UMODL1: variants seen among roughly 807,000 people sequenced by gnomAD.
The protein encoded by UMODL1 is uromodulin like 1.
In UMODL1, 128 loss-of-function variants were observed where a neutral mutation model predicts 136.3. The observed-to-expected ratio is 0.94, with a 90% CI of 0.81 to 1.09. The LOEUF (loss-of-function observed/expected upper bound fraction) is 1.09, where lower values mean the gene tolerates loss of function less well. Ranked by LOEUF, UMODL1 falls within the 50% of genes least tolerant of loss-of-function variation. UMODL1 has a pLI of 0.00. For missense variants in UMODL1, 1,766 were observed against 1,725.6 expected (o/e 1.02, Z -0.41); for synonymous variants, 721 against 720.0 (o/e 1.00, Z -0.02).
At chr21:42,120,368 A>T (rs1316718694) in intron 15 of UMODL1, among the ~76,000 whole-genome samples, 2 of 152,240 alleles carry the variant, frequency 1.3e-5, no homozygotes, top group African/African-American at 4.8e-5. Context: ...ATCTGTTTGG[A>T]CCGTAGTTTA....
chr21:42,123,660 G>A lies in UMODL1; in HGVS notation c.3147+510G>A, dbSNP rs529945085. Among the ~76,000 whole-genome samples, 4 of 152,002 alleles carry A rather than the reference G, an allele frequency of 2.6e-5. No individual in the cohort carries two copies. Among genetic ancestry groups the A allele is most frequent in the Non-Finnish European group, 4.4e-5 (3 of 67,982 alleles). On this transcript the variant is annotated intron_variant, in intron 17 of 22. Coordinates refer to ENST00000408910, the MANE Select transcript of UMODL1 (RefSeq NM_001004416.3). This position sits in a 1 kb window ranked among gnomAD's most constrained non-coding sequence, Gnocchi z 4.4. Reference sequence around the variant, plus strand: ...GCGTGTGTGTGTGCATGTGTATCGCGTGCTTGTGTGCGTGTGGGTGTGCAT... The same window carrying A: ...GCGTGTGTGTGTGCATGTGTATCGCATGCTTGTGTGCGTGTGGGTGTGCAT...
intron 17 of UMODL1, among the ~76,000 whole-genome samples, chr21:42,124,855 T>A (rs554904749): frequency 1.3e-5 from 2 of 152,270 alleles, no homozygotes; most frequent in South Asian, 4.1e-4. Context: ...CTGAGAGTTC[T>A]ACATGCATGA....
intron 5 of UMODL1, 66 bp from the exon 6 acceptor site, chr21:42,090,232 C>CAGGTAGATGAAGATGACG: frequency 6.2e-7 from 1 of 1,601,272 alleles, no homozygotes; most frequent in East Asian, 2.2e-5. Flanking sequence ...CGTGTGTGTG[C>CAGGTAGATGAAGATGACG]AGGTAGATGA....
intron 16 of UMODL1, among the ~76,000 whole-genome samples, 175 bp downstream of exon 16, chr21:42,121,399 C>T (rs113100941): frequency 1.3e-5 from 2 of 151,602 alleles, no homozygotes; most frequent in African/African-American, 4.8e-5. Context: ...TGTATGTGTA[C>T]ATGTGTGTAC....
At chr21:42,083,985 C>T in intron 2 of UMODL1, 99 bp from the exon 3 acceptor site, 2 of 1,444,436 alleles carry the variant, frequency 1.4e-6, no homozygotes, top group Non-Finnish European at 9.5e-7. Context: ...GACCTACAGG[C>T]AGAATTCAGC....
At chr21:42,115,848 A>G (rs1352259229) in intron 13 of UMODL1, 25 bp from the exon 14 acceptor site, 4 of 1,565,614 alleles carry the variant, frequency 2.6e-6, no homozygotes, top group Non-Finnish European at 3.5e-6. Flanking sequence ...ACCAATTCCA[A>G]ATGTGCTTAT....
At chr21:42,124,395 C>T (rs1569173101) in intron 17 of UMODL1, among the ~76,000 whole-genome samples, 2 of 152,160 alleles carry the variant, frequency 1.3e-5, no homozygotes, top group African/African-American at 4.8e-5. Context: ...TGGGAAGGGG[C>T]TCGACCTAGA....
rs367792131 is a variant in UMODL1 at position 42,113,620 on chromosome 21, G to A, written c.2152G>A (p.Gly718Ser). Residue 718 changes from glycine (G) to serine (S), a missense_variant, in exon 13 of 23, where the codon GGC (glycine) becomes AGC (serine). Coordinates refer to ENST00000408910, the MANE Select transcript of UMODL1 (RefSeq NM_001004416.3). ...RIMVSNVTST[G>S]FHLAWEADLA... is the part of the protein sequence containing the mutation. ...CATGGTCTCCAATGTGACCAGCACC[G>A]GCTTCCACCTGGCATGGGAGGCGGA... 2.4e-5 allele frequency: 38 copies of A among 1,613,950 alleles called. No individual in the cohort carries two copies. The highest frequency in any genetic ancestry group is 2.9e-5 in the Non-Finnish European group (34 of 1,180,032).
chr21:42,097,482 C>T (rs539998258), intron 6 of UMODL1, among the ~76,000 whole-genome samples: 1 of 152,170 alleles, frequency 6.6e-6, no homozygotes, highest in East Asian at 1.9e-4. Context: ...GCAGCCAAGG[C>T]GCAAAGGGAA....
At chr21:42,114,468 A>T (rs976954951) in intron 13 of UMODL1, among the ~76,000 whole-genome samples, 1 of 152,180 alleles carries the variant, frequency 6.6e-6, no homozygotes, top group African/African-American at 2.4e-5. Flanking sequence ...GCTGGTTTTC[A>T]CGCCATGGGC....
intron 21 of UMODL1, among the ~76,000 whole-genome samples, chr21:42,137,172 C>A (rs2067215614): frequency 6.6e-6 from 1 of 152,208 alleles, no homozygotes; most frequent in Admixed American, 6.5e-5. Flanking sequence ...CTGGGCTCTC[C>A]CCCTCCCACC....
intron 22 of UMODL1, among the ~76,000 whole-genome samples, chr21:42,140,465 C>A (rs957803662): frequency 6.6e-6 from 1 of 152,008 alleles, no homozygotes; most frequent in Non-Finnish European, 1.5e-5. Context: ...GGGAGGTGGC[C>A]GAGCTGGGGC....
At chr21:42,079,899 G>A (rs550559290) in intron 2 of UMODL1, among the ~76,000 whole-genome samples, 3 of 152,350 alleles carry the variant, frequency 2.0e-5, no homozygotes, top group Middle Eastern at 3.4e-3. Flanking sequence ...TGTGGCGACT[G>A]TGGGAGGAGG....
intron 6 of UMODL1, among the ~76,000 whole-genome samples, chr21:42,094,725 A>G (rs93136): frequency 0.42 from 63,718 of 152,070 alleles, 14,301 homozygotes; most frequent in East Asian, 0.53. Flanking sequence ...TCTGTCCAAC[A>G]AAAGAGAGAT....
intron 15 of UMODL1, among the ~76,000 whole-genome samples, chr21:42,119,639 A>G (rs1358807908): frequency 6.6e-6 from 1 of 152,128 alleles, no homozygotes; most frequent in Non-Finnish European, 1.5e-5. Context: ...CCCTCTCTGC[A>G]GCCAGACTCT....
intron 14 of UMODL1, among the ~76,000 whole-genome samples, chr21:42,117,083 GA>G (rs35005920): frequency 2.7e-5 from 4 of 148,870 alleles, no homozygotes; most frequent in African/African-American, 9.9e-5. Context: ...CTCAAAAACA[GA>G]AAAAAAAAAG....
chr21:42,097,455 G>A (rs1330068064), intron 6 of UMODL1, among the ~76,000 whole-genome samples: 2 of 152,188 alleles, frequency 1.3e-5, no homozygotes, highest in East Asian at 3.8e-4. Context: ...GCACTAAATT[G>A]GATTCTGAGC....
intron 22 of UMODL1, among the ~76,000 whole-genome samples, chr21:42,140,676 C>G (rs1331361397): frequency 6.9e-6 from 1 of 145,188 alleles, no homozygotes; most frequent in Admixed American, 6.9e-5. Flanking sequence ...GTGGGGACAC[C>G]AGGTGTCCCA....
upstream of UMODL1, among the ~76,000 whole-genome samples, chr21:42,068,280 T>A (rs2066199566): frequency 6.6e-6 from 1 of 152,186 alleles, no homozygotes; most frequent in Non-Finnish European, 1.5e-5. This position sits in a 1 kb window ranked among gnomAD's most constrained non-coding sequence, Gnocchi z 5.5. Flanking sequence ...GTCACCCGGA[T>A]GCCGGGGGGC....
Sources: allele counts gnomAD v4.1 joint callset (sites outside exome capture counted in the v4.1 genomes callset), GRCh38; gene constraint gnomAD v4.1.1; non-coding constraint Gnocchi (gnomAD v3.1); transcripts MANE v1.5; gene names NCBI Gene and HGNC (gene_info 2026-07-23, HGNC 2026-07-21).